Variants in IGSF21 observed in about 807,000 individuals in gnomAD.
IGSF21 encodes the protein immunoglobin superfamily member 21, also known as immunoglobulin superfamily member 21.
Under a neutral mutation model 46.8 loss-of-function variants are expected in IGSF21, and 28 were observed. That is an observed-to-expected ratio of 0.60 (90% CI 0.44 to 0.82). The LOEUF (loss-of-function observed/expected upper bound fraction) is 0.82. IGSF21 is among the 40% of genes least tolerant of loss of function. IGSF21 has a pLI of 0.00. For synonymous variants in IGSF21, 284 were observed against 273.6 expected (o/e 1.04, Z -0.38); for missense variants, 624 against 665.5 (o/e 0.94, Z 0.69).
intron 2 of IGSF21, among the ~76,000 whole-genome samples, chr1:18,240,189 G>A (rs780205619): frequency 4.6e-5 from 7 of 152,316 alleles, no homozygotes; most frequent in Non-Finnish European, 1.0e-4. Context: ...GCTGAGGTGG[G>A]AGGATGGATT....
chr1:18,340,937 T>C (rs796308817), intron 4 of IGSF21, among the ~76,000 whole-genome samples: 10 of 151,744 alleles, frequency 6.6e-5, no homozygotes, highest in African/African-American at 2.4e-4. Context: ...TTTCCTCCTC[T>C]TCTCCGTCCT....
chr1:18,287,267 G>C (rs1484849591), intron 2 of IGSF21, among the ~76,000 whole-genome samples: 1 of 151,758 alleles, frequency 6.6e-6, no homozygotes, highest in Non-Finnish European at 1.5e-5. Context: ...GTGGTGGCAG[G>C]TGCCTGTAGT....
At chr1:18,351,054 C>T (rs1447902221) in intron 4 of IGSF21, among the ~76,000 whole-genome samples, 3 of 152,140 alleles carry the variant, frequency 2.0e-5, no homozygotes, top group Non-Finnish European at 4.4e-5. Context: ...CCTTGTTCTG[C>T]ACCTCTAACT....
At chr1:18,238,616 A>G (rs1212611592) in intron 2 of IGSF21, among the ~76,000 whole-genome samples, 1 of 60,234 alleles carries the variant, frequency 1.7e-5, no homozygotes, top group Non-Finnish European at 6.1e-5. Context: ...TTGGCTTCCA[A>G]ACTCTTGAGA....
chr1:18,286,736 G>A (rs973804625), intron 2 of IGSF21, among the ~76,000 whole-genome samples: 13 of 152,180 alleles, frequency 8.5e-5, no homozygotes, highest in African/African-American at 2.9e-4. Context: ...AGCAGCAAGG[G>A]CCTTTTCCCT....
intron 2 of IGSF21, among the ~76,000 whole-genome samples, chr1:18,280,632 A>G (rs1172386053): frequency 6.6e-6 from 1 of 152,108 alleles, no homozygotes; most frequent in African/African-American, 2.4e-5. Context: ...AAGGAGACTG[A>G]GACAGGGAGA....
chr1:18,266,233 G>A (rs1486037546), intron 2 of IGSF21, among the ~76,000 whole-genome samples: 1 of 152,192 alleles, frequency 6.6e-6, no homozygotes, highest in Non-Finnish European at 1.5e-5. Flanking sequence ...GAAAAGGAGA[G>A]AGGGTCAGAG....
chr1:18,183,225 C>T (rs113975999), intron 1 of IGSF21, among the ~76,000 whole-genome samples: 11 of 152,250 alleles, frequency 7.2e-5, no homozygotes, highest in Non-Finnish European at 1.0e-4. Context: ...GAAGAATGTC[C>T]GTTTTATAGA....
chr1:18,298,326 A>G (rs2085330923), intron 3 of IGSF21, among the ~76,000 whole-genome samples: 1 of 152,234 alleles, frequency 6.6e-6, no homozygotes, highest in South Asian at 2.1e-4. Flanking sequence ...TCTGACTTCC[A>G]GGTATAAAGT....
At position 18,243,370 on chromosome 1, in the gene IGSF21, C is replaced by A. The variant is rs145254205; in HGVS notation, c.183+15360C>A. 1.7e-3 allele frequency among the ~76,000 whole-genome samples: 256 copies of A among 152,250 alleles called. 1 individual carries two copies. Among genetic ancestry groups the A allele is most frequent in the African/African-American group, 5.2e-3 (216 of 41,544 alleles). ...TCTCCTATCACATCTCATCCCTTGCCCCTGCCCACTCCCCGCATCTCTTCC... is the reference window on the plus strand; with the variant it reads ...TCTCCTATCACATCTCATCCCTTGCACCTGCCCACTCCCCGCATCTCTTCC... On this transcript the variant is annotated intron_variant, in intron 2 of 9. Coordinates refer to ENST00000251296, the MANE Select transcript of IGSF21 (RefSeq NM_032880.5).
rs139684658 is a variant in IGSF21 at position 18,177,719 on chromosome 1, C to T, written c.71-50179C>T. On this transcript the variant is annotated intron_variant, in intron 1 of 9. Transcript: ENST00000251296. ...ACAAGGAATTCCCCATTTAGAGCAA[C>T]GACCCTGTGGAAGGGGGAGTGGGTG... is the stretch of plus-strand genomic sequence containing the variant. Among the ~76,000 whole-genome samples, 335 of 152,244 alleles carry T rather than the reference C, an allele frequency of 2.2e-3. 2 individuals carry two copies. The highest frequency in any genetic ancestry group is 3.8e-3 in the Non-Finnish European group (256 of 68,018).
intron 2 of IGSF21, chr1:18,279,009 G>A (rs768803832): frequency 1.4e-5 from 6 of 427,578 alleles, no homozygotes; most frequent in Non-Finnish European, 2.9e-5. Context: ...GCTTGTCTCT[G>A]AGCCTCATCT....
rs1297321530 is a variant in IGSF21 at position 18,109,496 on chromosome 1, G to C, written c.70+1298G>C. The C allele has an allele frequency of 6.6e-6, 1 of 152,388 alleles. No individual in the cohort carries two copies. The highest frequency in any genetic ancestry group is 1.5e-5 in the Non-Finnish European group (1 of 68,220). The allele number at this position is 152,388 out of a possible 1,614,324, so 9.4% of individuals were successfully genotyped here. A position where few individuals can be genotyped will look rare whatever the true frequency, so the allele number is the denominator to read the frequency against. On this transcript the variant is annotated intron_variant, in intron 1 of 9. Transcript: ENST00000251296. This position sits in a 1 kb window ranked among gnomAD's most constrained non-coding sequence, Gnocchi z 4.8. ...CAGGAGGTGCCTACCTAGGCTCTGA[G>C]AGTGCCTGCCAGGAAGGGGTGCCCC...
chr1:18,340,925 T>G (rs1334071260), intron 4 of IGSF21, among the ~76,000 whole-genome samples: 1 of 151,858 alleles, frequency 6.6e-6, no homozygotes, highest in East Asian at 1.9e-4. Flanking sequence ...CCTTCTTTCT[T>G]CTTTCCTCCT....
intron 6 of IGSF21, among the ~76,000 whole-genome samples, chr1:18,369,881 T>C (rs967473466): frequency 2.0e-5 from 3 of 152,172 alleles, no homozygotes; most frequent in Non-Finnish European, 4.4e-5. Context: ...ATTTGTACCT[T>C]TCTCGTAATC....
At chr1:18,171,011 A>C (rs2086731380) in intron 1 of IGSF21, among the ~76,000 whole-genome samples, 2 of 152,054 alleles carry the variant, frequency 1.3e-5, no homozygotes, top group South Asian at 2.1e-4. Flanking sequence ...AGGAAACAGC[A>C]GACATGCAGG....
Position 18,252,374 on chromosome 1 carries a change from C to T in IGSF21, c.183+24364C>T, listed in dbSNP as rs142416745. 2.8e-3 allele frequency among the ~76,000 whole-genome samples: 421 copies of T among 152,236 alleles called. 1 individual carries two copies. The highest frequency in any genetic ancestry group is 9.2e-3 in the African/African-American group (383 of 41,542). ...TGACCAAGGCTTTTTTAAAGACATG[C>T]TCATAAAACCTTGGAATGTAGTAAT... On this transcript the variant is annotated intron_variant, in intron 2 of 9. Coordinates refer to ENST00000251296, the MANE Select transcript of IGSF21 (RefSeq NM_032880.5).
intron 1 of IGSF21, among the ~76,000 whole-genome samples, chr1:18,211,833 C>T (rs915903666): frequency 3.9e-5 from 6 of 152,214 alleles, no homozygotes; most frequent in African/African-American, 1.2e-4. Context: ...GTTGCTCACA[C>T]GTCTCTCCTC....
chr1:18,350,847 C>G (rs2085945077), intron 4 of IGSF21, among the ~76,000 whole-genome samples: 1 of 152,198 alleles, frequency 6.6e-6, no homozygotes, highest in African/African-American at 2.4e-5. Flanking sequence ...CCCGGGAAAT[C>G]TCCCGCTTGA....
Sources: gnomAD v4.1 joint callset for allele counts (sites outside exome capture counted in the v4.1 genomes callset) on GRCh38, gnomAD v4.1.1 for gene constraint, Gnocchi (gnomAD v3.1) non-coding constraint, MANE v1.5 for transcripts, NCBI Gene and HGNC (gene_info 2026-07-23, HGNC 2026-07-21) for gene names.